Variants in ZSWIM5 observed in about 807,000 individuals in gnomAD.
ZSWIM5 encodes zinc finger SWIM domain-containing protein 5.
In ZSWIM5, 55 loss-of-function variants were observed where a neutral mutation model predicts 119.6. The ratio of observed to expected loss-of-function variants is 0.46; its 90% CI spans 0.37 to 0.58. The LOEUF (loss-of-function observed/expected upper bound fraction) is 0.58. Ranked by LOEUF, ZSWIM5 falls within the 20% of genes least tolerant of loss-of-function variation. ZSWIM5 has a pLI of 0.00. For synonymous variants in ZSWIM5, 537 were observed against 606.9 expected (o/e 0.88, Z 1.69); for missense variants, 1,193 against 1,512.8 (o/e 0.79, Z 3.51).
chr1:45,023,034 C>G (rs1301762807), intron 11 of ZSWIM5, among the ~76,000 whole-genome samples: 2 of 152,148 alleles, frequency 1.3e-5, no homozygotes, highest in African/African-American at 4.8e-5. Flanking sequence ...ATACAGAGGG[C>G]TGATTGTACA....
At chr1:45,191,693 G>T (rs1030103865) in intron 1 of ZSWIM5, among the ~76,000 whole-genome samples, 1 of 152,146 alleles carries the variant, frequency 6.6e-6, no homozygotes, top group African/African-American at 2.4e-5. Context: ...CTTGTCCAAG[G>T]TTACACAGCT....
chr1:45,174,089 A>G (rs112005268), intron 1 of ZSWIM5, among the ~76,000 whole-genome samples: 99 of 152,188 alleles, frequency 6.5e-4, no homozygotes, highest in Middle Eastern at 6.8e-3. Flanking sequence ...AGCCTGGCCA[A>G]CAAGGTAAAA....
chr1:45,158,437 G>A (rs1570161991), intron 1 of ZSWIM5, among the ~76,000 whole-genome samples: 2 of 152,264 alleles, frequency 1.3e-5, no homozygotes, highest in Middle Eastern at 6.8e-3. Flanking sequence ...CCAAAGTGCT[G>A]GGATTACAGA....
intron 1 of ZSWIM5, among the ~76,000 whole-genome samples, chr1:45,109,401 T>A (rs1015260077): frequency 6.6e-6 from 1 of 152,208 alleles, no homozygotes; most frequent in African/African-American, 2.4e-5. Context: ...ATATAGCTTT[T>A]AACTCCTTTG....
At chr1:45,157,748 T>C (rs972229449) in intron 1 of ZSWIM5, among the ~76,000 whole-genome samples, 10 of 152,236 alleles carry the variant, frequency 6.6e-5, no homozygotes, top group African/African-American at 1.9e-4. Context: ...AGTGTATGTA[T>C]GGACCTTTTT....
At chr1:45,034,000 G>A (rs894826038) in intron 11 of ZSWIM5, among the ~76,000 whole-genome samples, 10 of 151,926 alleles carry the variant, frequency 6.6e-5, no homozygotes, top group East Asian at 5.8e-4. Context: ...GACTACAGGC[G>A]CCCGCCACCA....
intron 1 of ZSWIM5, among the ~76,000 whole-genome samples, chr1:45,089,438 T>C (rs1240622210): frequency 6.6e-6 from 1 of 152,258 alleles, no homozygotes; most frequent in East Asian, 1.9e-4. Flanking sequence ...GCATCTGCTA[T>C]GTAGCAGAAC....
intron 1 of ZSWIM5, among the ~76,000 whole-genome samples, chr1:45,177,553 A>G (rs1451528888): frequency 6.6e-6 from 1 of 152,068 alleles, no homozygotes; most frequent in African/African-American, 2.4e-5. Flanking sequence ...CCAGGTCTGA[A>G]TCTCATGAAA....
At chr1:45,173,524 T>C (rs1007329562) in intron 1 of ZSWIM5, among the ~76,000 whole-genome samples, 1 of 152,136 alleles carries the variant, frequency 6.6e-6, no homozygotes, top group Non-Finnish European at 1.5e-5. Context: ...GGACTTAAGT[T>C]ATCCATGCAT....
intron 1 of ZSWIM5, among the ~76,000 whole-genome samples, chr1:45,192,871 T>G (rs1231824100): frequency 3.3e-5 from 5 of 152,222 alleles, no homozygotes; most frequent in African/African-American, 1.2e-4. Context: ...AGTATTTCAT[T>G]GTGGTTTTGA....
intron 1 of ZSWIM5, among the ~76,000 whole-genome samples, chr1:45,157,922 T>C (rs1456198364): frequency 6.6e-6 from 1 of 152,192 alleles, no homozygotes; most frequent in Admixed American, 6.5e-5. Flanking sequence ...TGACTAATGA[T>C]TGAATGTTTT....
At chr1:45,135,126 T>G (rs1299252683) in intron 1 of ZSWIM5, among the ~76,000 whole-genome samples, 1 of 148,094 alleles carries the variant, frequency 6.8e-6, no homozygotes, top group Non-Finnish European at 1.5e-5. Context: ...TAATTCTGTT[T>G]TTTTTTTTTT....
intron 1 of ZSWIM5, among the ~76,000 whole-genome samples, chr1:45,130,002 AT>A (rs1645645400): frequency 6.6e-6 from 1 of 151,956 alleles, no homozygotes; most frequent in Non-Finnish European, 1.5e-5. Context: ...GGTTCAAGTG[AT>A]TCTCCTGCCT....
chr1:45,170,866 A>T (rs944066386), intron 1 of ZSWIM5, among the ~76,000 whole-genome samples: 1 of 152,156 alleles, frequency 6.6e-6, no homozygotes, highest in Non-Finnish European at 1.5e-5. Flanking sequence ...GAAAATAGGA[A>T]TGAGGCACCA....
At chr1:45,055,137 C>T (rs1250855373) in intron 4 of ZSWIM5, among the ~76,000 whole-genome samples, 3 of 152,128 alleles carry the variant, frequency 2.0e-5, no homozygotes, top group African/African-American at 4.8e-5. Context: ...ACTACAGGCG[C>T]CCACCACCAT....
chr1:45,103,339 T>C (rs1645451395), intron 1 of ZSWIM5, among the ~76,000 whole-genome samples: 1 of 152,218 alleles, frequency 6.6e-6, no homozygotes, highest in African/African-American at 2.4e-5. Context: ...ACTAATTAAA[T>C]GCTCAAAGCA....
chr1:45,045,116 T>C (rs1276875873), intron 5 of ZSWIM5, among the ~76,000 whole-genome samples: 1 of 151,688 alleles, frequency 6.6e-6, no homozygotes, highest in Non-Finnish European at 1.5e-5. Flanking sequence ...AAACCAAAAC[T>C]GCAGACAAAA....
chr1:45,079,445 T>C (rs1243486395), intron 2 of ZSWIM5, among the ~76,000 whole-genome samples: 1 of 152,064 alleles, frequency 6.6e-6, no homozygotes, highest in Non-Finnish European at 1.5e-5. Flanking sequence ...CAGACTACCA[T>C]TTAAGGCCCA....
chr1:45,126,745 A>G (rs899005729), intron 1 of ZSWIM5, among the ~76,000 whole-genome samples: 2 of 150,788 alleles, frequency 1.3e-5, no homozygotes, highest in Admixed American at 1.3e-4. Flanking sequence ...CTCCACAAAA[A>G]GGAAAAAAAA....
Sources: gnomAD v4.1 joint callset for allele counts (sites outside exome capture counted in the v4.1 genomes callset) on GRCh38, gnomAD v4.1.1 for gene constraint, MANE v1.5 for transcripts, NCBI Gene and HGNC (gene_info 2026-07-23, HGNC 2026-07-21) for gene names.